Variants in SLC35E2B observed in about 807,000 individuals in gnomAD.
SLC35E2B encodes the protein solute carrier family 35, member E2B.
In SLC35E2B, 18 loss-of-function variants were observed where a neutral mutation model predicts 32.4. The observed-to-expected ratio is 0.56, with a 90% CI of 0.38 to 0.82. SLC35E2B has a LOEUF of 0.82. Among genes scored for constraint, SLC35E2B ranks in the 40% least tolerant of loss-of-function variants. SLC35E2B has a pLI of 0.00. For missense variants in SLC35E2B, 263 were observed against 469.5 expected (o/e 0.56, Z 4.06); for synonymous variants, 132 against 209.1 (o/e 0.63, Z 3.18).
chr1:1,662,800 G>A lies in SLC35E2B; in HGVS notation c.*2982C>T, dbSNP rs1443564834. On this transcript the variant is annotated 3_prime_UTR_variant, in exon 10 of 10. Coordinates refer to ENST00000617444, the MANE Select transcript of SLC35E2B (RefSeq NM_001290264.2). ...GGGAGGTGGTTCAAGTGTTCTGTTC[G>A]TTTACAAAAGCACAGACCACGACCA... is the stretch of plus-strand genomic sequence containing the variant. The A allele has an allele frequency of 2.6e-6, 2 of 780,724 alleles. No homozygotes were observed. Among genetic ancestry groups the A allele is most frequent in the Non-Finnish European group, 3.1e-6 (2 of 639,764 alleles). 48.4% of individuals were successfully genotyped at this position (780,724 alleles called of 1,614,324 possible).
At chr1:1,683,004 G>A (rs1643913114) in intron 2 of SLC35E2B, among the ~76,000 whole-genome samples, 1 of 152,026 alleles carries the variant, frequency 6.6e-6, no homozygotes, top group Non-Finnish European at 1.5e-5. Context: ...TTGAACCCTG[G>A]AGGTGGAAAT....
At chr1:1,687,478 G>A (rs964752541) in intron 2 of SLC35E2B, among the ~76,000 whole-genome samples, 2 of 152,072 alleles carry the variant, frequency 1.3e-5, no homozygotes, top group South Asian at 2.1e-4. Flanking sequence ...GGTGGCTCAC[G>A]CCTGTAATCC....
chr1:1,665,702 G>A lies in SLC35E2B; in HGVS notation c.*80C>T. ...CTCCCCATGTCCTGCACCCCAGCAG[G>A]GCCATGGAGGAGGGCGTCCCTGCCC... On this transcript the variant is annotated 3_prime_UTR_variant, in exon 10 of 10. Coordinates refer to ENST00000617444, the MANE Select transcript of SLC35E2B (RefSeq NM_001290264.2). The A allele has an allele frequency of 6.6e-7, 1 of 1,513,762 alleles. No homozygotes were observed. Among genetic ancestry groups the A allele is most frequent in the Non-Finnish European group, 8.9e-7 (1 of 1,125,784 alleles). 93.8% of individuals were successfully genotyped at this position (1,513,762 alleles called of 1,614,324 possible).
intron 5 of SLC35E2B, among the ~76,000 whole-genome samples, chr1:1,674,912 A>G (rs887498991): frequency 1.1e-4 from 17 of 152,036 alleles, no homozygotes; most frequent in Non-Finnish European, 2.1e-4. Context: ...ATGCAGCCAC[A>G]CTGGGTACGC....
chr1:1,668,688 A>C (rs896649130), intron 8 of SLC35E2B, among the ~76,000 whole-genome samples: 1 of 152,056 alleles, frequency 6.6e-6, no homozygotes, highest in African/African-American at 2.4e-5. Flanking sequence ...GCACTAATTA[A>C]TTTTCACCAT....
At chr1:1,669,844 T>C (rs750310133) in intron 7 of SLC35E2B, 108 bp from the exon 8 acceptor site, 5 of 1,191,536 alleles carry the variant, frequency 4.2e-6, no homozygotes, top group Non-Finnish European at 4.9e-6. Flanking sequence ...AAGACGTTCA[T>C]TCTCTCTAGA....
intron 6 of SLC35E2B, 133 bp from the exon 7 acceptor site, chr1:1,670,284 G>A (rs1430460301): frequency 1.5e-6 from 1 of 661,456 alleles, no homozygotes; most frequent in Non-Finnish European, 2.6e-6. Flanking sequence ...ACCACGCCTG[G>A]TTACTTTTTT....
At chr1:1,678,697 G>C (rs1328422578) in intron 2 of SLC35E2B, among the ~76,000 whole-genome samples, 2 of 152,140 alleles carry the variant, frequency 1.3e-5, no homozygotes, top group Non-Finnish European at 2.9e-5. Context: ...GACAGTGCCA[G>C]ATCTCCACAA....
At chr1:1,667,242 TA>T (rs1265362598) in intron 9 of SLC35E2B, among the ~76,000 whole-genome samples, 4 of 144,482 alleles carry the variant, frequency 2.8e-5, no homozygotes, top group Middle Eastern at 3.5e-3. Flanking sequence ...CTGTCTCTAC[TA>T]AAAAATACAA....
chr1:1,671,753 C>T, intron 5 of SLC35E2B, 124 bp from the exon 6 acceptor site: 1 of 1,048,076 alleles, frequency 9.5e-7, no homozygotes, highest in Non-Finnish European at 1.3e-6. Flanking sequence ...AAAAACAATA[C>T]TTGTCAGTTT....
chr1:1,687,287 A>G (rs1643962864), intron 2 of SLC35E2B, among the ~76,000 whole-genome samples: 1 of 151,990 alleles, frequency 6.6e-6, no homozygotes, highest in Admixed American at 6.6e-5. Flanking sequence ...ATCATTCTCC[A>G]CTAAAGGGGC....
rs1644029481 is a variant in SLC35E2B at position 1,692,622 on chromosome 1, G to T, written c.-739C>A. ...GAGTGGCACAGCGCTGGCGGATCCA[G>T]GTGGGCTTCACGGGGCGCCCGCGGG... On this transcript the variant is annotated 5_prime_UTR_variant, in exon 1 of 10. It adds an upstream start codon to the 5' untranslated region. Coordinates refer to ENST00000617444, the MANE Select transcript of SLC35E2B (RefSeq NM_001290264.2). 1.0e-6 allele frequency: 1 copy of T among 983,200 alleles called. No homozygotes were observed. The highest frequency in any genetic ancestry group is 1.2e-6 in the Non-Finnish European group (1 of 828,396). 60.9% of individuals were successfully genotyped at this position (983,200 alleles called of 1,614,324 possible).
At position 1,665,082 on chromosome 1, in the gene SLC35E2B, G is replaced by C. The variant is rs1234154958; in HGVS notation, c.*700C>G. 7 of 445,208 alleles carry C rather than the reference G, an allele frequency of 1.6e-5. No homozygotes were observed. The highest frequency in any genetic ancestry group is 2.1e-5 in the Non-Finnish European group (7 of 336,200). 27.6% of individuals were successfully genotyped at this position (445,208 alleles called of 1,614,324 possible). A position where few individuals can be genotyped will look rare whatever the true frequency, so the allele number is the denominator to read the frequency against. On this transcript the variant is annotated 3_prime_UTR_variant, in exon 10 of 10. Coordinates refer to ENST00000617444, the MANE Select transcript of SLC35E2B (RefSeq NM_001290264.2). The stretch of plus-strand genomic sequence containing the variant: ...CTCACGCAGCCCAGGGTGTGGAAGG[G>C]ATAGGAGGGCAGGGTGTGGAAGAGG...
intron 2 of SLC35E2B, among the ~76,000 whole-genome samples, chr1:1,680,787 T>C (rs1359534508): frequency 6.6e-6 from 1 of 150,560 alleles, no homozygotes; most frequent in African/African-American, 2.5e-5. Context: ...CGTAAATGCC[T>C]GAGGCTGGCT....
At position 1,689,505 on chromosome 1, in the gene SLC35E2B, T is replaced by C. The variant is rs369938839; in HGVS notation, c.-148+1471A>G. Among the ~76,000 whole-genome samples the C allele has an allele frequency of 4.6e-5, 7 of 151,114 alleles. No individual in the cohort carries two copies. In the East Asian group the frequency reaches 7.8e-4, roughly 17 times the overall value. ...AGCAGGGTCACGATTCGAACCCAGG[T>C]GGCCTGCTCTTATGATAAACTTAAA... On this transcript the variant is annotated intron_variant, in intron 2 of 9. Coordinates refer to ENST00000617444, the MANE Select transcript of SLC35E2B (RefSeq NM_001290264.2).
intron 2 of SLC35E2B, among the ~76,000 whole-genome samples, chr1:1,685,426 A>AG: frequency 6.6e-6 from 1 of 151,332 alleles, no homozygotes; most frequent in Admixed American, 6.6e-5. Context: ...AAAAAAAAAA[A>AG]AAAAAAGAAA....
chr1:1,672,607 T>C (rs1044248072), intron 5 of SLC35E2B: 1 of 152,250 alleles, frequency 6.6e-6, no homozygotes, highest in African/African-American at 2.4e-5. Context: ...GCTGCTGCTG[T>C]TGACATGCAG....
Position 1,663,390 on chromosome 1 carries a change from G to A in SLC35E2B, c.*2392C>T. On this transcript the variant is annotated 3_prime_UTR_variant, in exon 10 of 10. Transcript: ENST00000617444. ...GGCCGGCAGCCACATTCTCGACGGG[G>A]AGGTGGACAAGGCCACCCTGGGAGT... The A allele has an allele frequency of 2.3e-6, 2 of 877,326 alleles. 1 individual carries two copies. Among genetic ancestry groups the A allele is most frequent in the Non-Finnish European group, 2.7e-6 (2 of 747,462 alleles). 54.3% of individuals were successfully genotyped at this position (877,326 alleles called of 1,614,324 possible).
Position 1,665,096 on chromosome 1 carries a change from G to T in SLC35E2B, c.*686C>A. ...GGTGTGGAAGGGATAGGAGGGCAGG[G>T]TGTGGAAGAGGTAGGGGGCCTTCCT... On this transcript the variant is annotated 3_prime_UTR_variant, in exon 10 of 10. Coordinates refer to ENST00000617444, the MANE Select transcript of SLC35E2B (RefSeq NM_001290264.2). 1 of 336,234 alleles carries T rather than the reference G, an allele frequency of 3.0e-6. No individual in the cohort carries two copies. The highest frequency in any genetic ancestry group is 4.2e-6 in the Non-Finnish European group (1 of 236,366). 20.8% of individuals were successfully genotyped at this position (336,234 alleles called of 1,614,324 possible).
Sources: allele counts gnomAD v4.1 joint callset (sites outside exome capture counted in the v4.1 genomes callset), GRCh38; gene constraint gnomAD v4.1.1; transcripts MANE v1.5; gene names NCBI Gene and HGNC (gene_info 2026-07-23, HGNC 2026-07-21).